The following DYNC1I1 variants were observed in gnomAD, a reference collection of about 807,000 sequenced individuals.
DYNC1I1 encodes the protein cytoplasmic dynein 1 intermediate chain 1.
DYNC1I1 carries 43 observed loss-of-function variants against 86.6 expected under a neutral mutation model. The ratio of observed to expected loss-of-function variants is 0.50; its 90% CI spans 0.39 to 0.64. The LOEUF is 0.64. DYNC1I1 is among the 30% of genes least tolerant of loss of function. The pLI, the probability that DYNC1I1 is intolerant of heterozygous loss-of-function variation, is 0.00. For synonymous variants in DYNC1I1, 262 were observed against 283.7 expected (o/e 0.92, Z 0.77); for missense variants, 604 against 788.8 (o/e 0.77, Z 2.81).
intron 16 of DYNC1I1, among the ~76,000 whole-genome samples, chr7:96,093,368 G>C (rs1485445864): frequency 1.3e-5 from 2 of 152,150 alleles, no homozygotes; most frequent in African/African-American, 4.8e-5. Context: ...AACAGGACTT[G>C]AGTCTCCTGT....
chr7:95,784,720 G>T (rs1157613441), intron 1 of DYNC1I1, among the ~76,000 whole-genome samples: 1 of 152,236 alleles, frequency 6.6e-6, no homozygotes, highest in African/African-American at 2.4e-5. Flanking sequence ...GGGCTGGGCT[G>T]TCTGTGAGGT....
chr7:95,984,931 G>C lies in DYNC1I1; in HGVS notation c.697G>C (p.Asp233His), dbSNP rs750340243. The change falls in exon 8 of 17, where the codon GAC becomes CAC. Residue 233 changes from aspartate (D) to histidine (H), a missense_variant. By Grantham distance (81) the Asp-to-His change is moderately conservative. Transcript: ENST00000447467. ...VIERALAEDS[D>H]IFFDYSGREL... is the part of the protein sequence containing the mutation. ...TGAAAGAGCCCTGGCTGAAGATTCC[G>C]ACATCTTTTTTGACTACAGCGGCCG... 1.9e-6 allele frequency: 3 copies of C among 1,613,376 alleles called. No individual in the cohort carries two copies. Among genetic ancestry groups the C allele is most frequent in the Admixed American group, 1.7e-5 (1 of 59,942 alleles).
intron 10 of DYNC1I1, among the ~76,000 whole-genome samples, chr7:96,006,420 A>G (rs1209887405): frequency 6.6e-6 from 1 of 152,080 alleles, no homozygotes; most frequent in Non-Finnish European, 1.5e-5. Flanking sequence ...TGACCCTTAC[A>G]TGTTTTATTG....
At chr7:95,836,808 TTCAGCTCCA>T (rs1789107093) in intron 5 of DYNC1I1, among the ~76,000 whole-genome samples, 1 of 152,222 alleles carries the variant, frequency 6.6e-6, no homozygotes, top group Non-Finnish European at 1.5e-5. Flanking sequence ...AGTCTTGGTT[TTCAGCTCCA>T]TCAGCTCCTT....
At chr7:96,029,227 T>C (rs1794752560) in intron 11 of DYNC1I1, among the ~76,000 whole-genome samples, 1 of 152,200 alleles carries the variant, frequency 6.6e-6, no homozygotes, top group African/African-American at 2.4e-5. Flanking sequence ...AAATACCAAG[T>C]CAGCCCCAAT....
At chr7:95,895,765 A>G (rs952800321) in intron 6 of DYNC1I1, among the ~76,000 whole-genome samples, 2 of 152,238 alleles carry the variant, frequency 1.3e-5, no homozygotes, top group Non-Finnish European at 2.9e-5. Context: ...GATATATAAC[A>G]TAACTACATT....
chr7:95,954,915 C>CAAAAAAA (rs58435060), intron 6 of DYNC1I1, among the ~76,000 whole-genome samples: 922 of 81,762 alleles, frequency 0.011, 59 homozygotes, highest in African/African-American at 0.041. Context: ...GACTCTGTCT[C>CAAAAAAA]AAAAAAAAAA....
intron 6 of DYNC1I1, among the ~76,000 whole-genome samples, chr7:95,944,614 G>A (rs532320772): frequency 1.3e-5 from 2 of 152,092 alleles, no homozygotes; most frequent in East Asian, 3.9e-4. Flanking sequence ...GCAAAGACTT[G>A]GAACCAACTC....
intron 10 of DYNC1I1, among the ~76,000 whole-genome samples, chr7:96,018,302 A>G (rs750950172): frequency 2.0e-5 from 3 of 152,222 alleles, no homozygotes; most frequent in Non-Finnish European, 4.4e-5. Context: ...TTTTCACAGT[A>G]TATTGGTGTC....
In DYNC1I1 at chr7:95,992,178, T is replaced by C. The variant is rs1472458041; in HGVS notation, c.844-3770T>C. Among the ~76,000 whole-genome samples, 3 of 152,136 alleles carry C rather than the reference T, an allele frequency of 2.0e-5. No homozygotes were observed. In the East Asian group the frequency reaches 5.8e-4, roughly 29 times the overall value. On this transcript the variant is annotated intron_variant, in intron 9 of 16. Coordinates refer to ENST00000447467, the MANE Select transcript of DYNC1I1 (RefSeq NM_001135556.2). Reference sequence around the variant, plus strand: ...CCTGGCCCCATGCTTCTACAGAACCTTGCTTCTGCCTCTGTCTTAGCACTT... The same window carrying C: ...CCTGGCCCCATGCTTCTACAGAACCCTGCTTCTGCCTCTGTCTTAGCACTT...
downstream of DYNC1I1, among the ~76,000 whole-genome samples, chr7:96,102,032 T>C (rs564842273): frequency 4.6e-5 from 7 of 151,844 alleles, no homozygotes; most frequent in South Asian, 1.3e-3. Context: ...CCAAGTAAGA[T>C]CACTGATCAC....
At chr7:95,859,289 C>A (rs1487295856) in intron 5 of DYNC1I1, among the ~76,000 whole-genome samples, 2 of 152,014 alleles carry the variant, frequency 1.3e-5, no homozygotes, top group East Asian at 3.9e-4. Flanking sequence ...ATTTTGAATT[C>A]TTTGTCAGGC....
intron 14 of DYNC1I1, among the ~76,000 whole-genome samples, chr7:96,061,725 C>CACAA (rs1789782592): frequency 6.7e-6 from 1 of 149,438 alleles, no homozygotes; most frequent in Non-Finnish European, 1.5e-5. Context: ...CACACACACA[C>CACAA]ACACACACAC....
intron 6 of DYNC1I1, among the ~76,000 whole-genome samples, chr7:95,870,373 G>A (rs1416290532): frequency 5.0e-5 from 2 of 39,720 alleles, no homozygotes; most frequent in Non-Finnish European, 1.0e-4. Flanking sequence ...ACATGGCTTA[G>A]CAAACTATAG....
At chr7:95,795,554 C>A (rs546548595) in intron 1 of DYNC1I1, among the ~76,000 whole-genome samples, 1 of 152,124 alleles carries the variant, frequency 6.6e-6, no homozygotes, top group South Asian at 2.1e-4. Context: ...TATGATGCAG[C>A]CATAAAAAAG....
chr7:95,894,167 C>A (rs1326958812), intron 6 of DYNC1I1, among the ~76,000 whole-genome samples: 3 of 151,784 alleles, frequency 2.0e-5, no homozygotes, highest in Admixed American at 1.3e-4. Flanking sequence ...TGTAGTCCAT[C>A]TAGAATGCTA....
intron 15 of DYNC1I1, among the ~76,000 whole-genome samples, chr7:96,079,823 T>G (rs1339000702): frequency 6.6e-6 from 1 of 152,174 alleles, no homozygotes. Context: ...TTTTTTTATC[T>G]TTATGTTTTC....
At chr7:95,909,247 G>GT (rs1476417851) in intron 6 of DYNC1I1, among the ~76,000 whole-genome samples, 1 of 113,340 alleles carries the variant, frequency 8.8e-6, no homozygotes, top group Non-Finnish European at 1.8e-5. Flanking sequence ...GGGGGGTGGG[G>GT]GGGGGGGGCG....
intron 1 of DYNC1I1, among the ~76,000 whole-genome samples, chr7:95,795,258 A>T (rs573323151): frequency 6.8e-6 from 1 of 147,940 alleles, no homozygotes; most frequent in African/African-American, 2.5e-5. Context: ...GGAAAGCATT[A>T]TTTAATGAAA....
Sources: gnomAD v4.1 joint callset for allele counts (sites outside exome capture counted in the v4.1 genomes callset) on GRCh38, gnomAD v4.1.1 for gene constraint, MANE v1.5 for transcripts, NCBI Gene and HGNC (gene_info 2026-07-23, HGNC 2026-07-21) for gene names.